Variants in IFT88 observed in about 807,000 individuals in gnomAD.
The protein encoded by IFT88 is intraflagellar transport protein 88 homolog.
Under a neutral mutation model 119.5 loss-of-function variants are expected in IFT88, and 74 were observed. The ratio of observed to expected loss-of-function variants is 0.62; its 90% CI spans 0.51 to 0.75. The LOEUF (loss-of-function observed/expected upper bound fraction) is 0.75, where lower values mean the gene tolerates loss of function less well. Ranked by LOEUF, IFT88 falls within the 30% of genes least tolerant of loss-of-function variation. IFT88 has a pLI of 0.00. For missense variants in IFT88, 961 were observed against 977.7 expected (o/e 0.98, Z 0.23); for synonymous variants, 279 against 316.7 (o/e 0.88, Z 1.26).
chr13:20,638,190 C>A, intron 16 of IFT88, 142 bp from the exon 17 acceptor site: 1 of 456,182 alleles, frequency 2.2e-6, no homozygotes, highest in Non-Finnish European at 3.7e-6. Flanking sequence ...TAGAATCAGA[C>A]TATCAAGACC....
At chr13:20,582,209 T>C (rs1207663045) in intron 2 of IFT88, among the ~76,000 whole-genome samples, 2 of 152,170 alleles carry the variant, frequency 1.3e-5, no homozygotes, top group African/African-American at 4.8e-5. Flanking sequence ...TGGGTGCTTT[T>C]GAGAGACTAT....
chr13:20,625,230 A>G (rs886907339), intron 14 of IFT88, among the ~76,000 whole-genome samples: 1 of 152,214 alleles, frequency 6.6e-6, no homozygotes, highest in African/African-American at 2.4e-5. Context: ...TTTCCTATCT[A>G]TAAAATAAAA....
At chr13:20,672,335 G>A (rs1287030515) in intron 24 of IFT88, among the ~76,000 whole-genome samples, 1 of 152,154 alleles carries the variant, frequency 6.6e-6, no homozygotes, top group East Asian at 1.9e-4. Flanking sequence ...TTTATCTTCA[G>A]GAGCCATTAC....
At position 20,631,001 on chromosome 13, in the gene IFT88, A is replaced by T. The variant is rs1329519; in HGVS notation, c.1300-15A>T. On this transcript the variant is annotated splice_polypyrimidine_tract_variant and intron_variant, in intron 15 of 25. Coordinates refer to ENST00000351808, the MANE Select transcript of IFT88 (RefSeq NM_006531.5). ...ATATTACAGTGGTAGTAACCTTCAGATATTCCATTTCTAGGCTGTAGAGAT... is the reference window on the plus strand; with the variant it reads ...ATATTACAGTGGTAGTAACCTTCAGTTATTCCATTTCTAGGCTGTAGAGAT... 1,075,251 of 1,462,846 alleles carry T rather than the reference A, an allele frequency of 0.74. 400,386 individuals carry two copies. Among genetic ancestry groups the T allele is most frequent in the East Asian group, 1 (43,896 of 44,008 alleles). 90.6% of individuals were successfully genotyped at this position (1,462,846 alleles called of 1,614,324 possible).
At chr13:20,687,748 A>AG (rs1213070301) in intron 24 of IFT88, among the ~76,000 whole-genome samples, 2 of 152,264 alleles carry the variant, frequency 1.3e-5, no homozygotes, top group East Asian at 3.9e-4. Flanking sequence ...GAAAAGAAGA[A>AG]GGGGGAGGAA....
Position 20,605,064 on chromosome 13 carries a change from A to G in IFT88, c.1071A>G (p.Glu357=). The change falls in exon 13 of 26, where the codon GAA becomes GAG. Residue 357 remains glutamate (E), a synonymous_variant. Transcript: ENST00000351808. ...ATCCTCATACTAACTTAGTAACTGA[A>G]GCTATAAAAAATGATCACCTCAGGC... ...SDDPHTNLVT[E]AIKNDHLRQM... 6.6e-7 allele frequency: 1 copy of G among 1,513,536 alleles called. No homozygotes were observed. The highest frequency in any genetic ancestry group is 9.2e-7 in the Non-Finnish European group (1 of 1,091,350). 93.8% of individuals were successfully genotyped at this position (1,513,536 alleles called of 1,614,324 possible).
At chr13:20,678,874 G>C (rs2057003077) in intron 24 of IFT88, among the ~76,000 whole-genome samples, 1 of 152,168 alleles carries the variant, frequency 6.6e-6, no homozygotes, top group South Asian at 2.1e-4. Context: ...CACAAAGACA[G>C]ACAACACAGA....
rs138465630 is a variant in IFT88, at chr13:20,637,146, A to G, written c.1387-1186A>G. On this transcript the variant is annotated intron_variant, in intron 16 of 25. Coordinates refer to ENST00000351808, the MANE Select transcript of IFT88 (RefSeq NM_006531.5). Reference sequence around the variant, plus strand: ...TGCCAGGGGCTGGGGGAAGAGGAGGATGGGAAGTGACTATTGATGGGTACA... The same window carrying G: ...TGCCAGGGGCTGGGGGAAGAGGAGGGTGGGAAGTGACTATTGATGGGTACA... Among the ~76,000 whole-genome samples the G allele has an allele frequency of 1.1e-3, 161 of 152,292 alleles. 1 individual carries two copies. The highest frequency in any genetic ancestry group is 3.3e-3 in the African/African-American group (139 of 41,562).
At chr13:20,584,286 ATTTG>A (rs376824081) in intron 3 of IFT88, among the ~76,000 whole-genome samples, 10 of 152,066 alleles carry the variant, frequency 6.6e-5, no homozygotes, top group African/African-American at 2.2e-4. Flanking sequence ...ATGCCTTTCC[ATTTG>A]TTTATGTCTT....
At chr13:20,592,842 C>A (rs996819027) in intron 7 of IFT88, among the ~76,000 whole-genome samples, 1 of 146,772 alleles carries the variant, frequency 6.8e-6, no homozygotes, top group Non-Finnish European at 1.5e-5. Flanking sequence ...TTACATAATT[C>A]TTAATCTTTA....
intron 20 of IFT88, among the ~76,000 whole-genome samples, chr13:20,645,391 A>G (rs980876945): frequency 6.6e-6 from 1 of 152,106 alleles, no homozygotes; most frequent in South Asian, 2.1e-4. Context: ...CGCCCAGCCA[A>G]ATTATTTTTA....
chr13:20,679,476 C>T (rs1384742943), intron 24 of IFT88, among the ~76,000 whole-genome samples: 1 of 152,166 alleles, frequency 6.6e-6, no homozygotes, highest in Admixed American at 6.5e-5. Context: ...ATAATATGCG[C>T]AGAAGGAGAG....
intron 13 of IFT88, among the ~76,000 whole-genome samples, chr13:20,613,688 A>G (rs956374976): frequency 6.6e-6 from 1 of 152,142 alleles, no homozygotes; most frequent in Non-Finnish European, 1.5e-5. Flanking sequence ...ATGTGCAACA[A>G]TTAATGAAGG....
chr13:20,668,586 A>G (rs1341319665), intron 23 of IFT88, among the ~76,000 whole-genome samples: 1 of 152,184 alleles, frequency 6.6e-6, no homozygotes, highest in Non-Finnish European at 1.5e-5. Flanking sequence ...TCAACTGCAA[A>G]TAGGCATTCA....
At chr13:20,632,964 T>G (rs756632358) in intron 16 of IFT88, among the ~76,000 whole-genome samples, 4 of 152,202 alleles carry the variant, frequency 2.6e-5, no homozygotes, top group Non-Finnish European at 5.9e-5. Flanking sequence ...CCCTCATATA[T>G]GTAAAGATGA....
intron 20 of IFT88, among the ~76,000 whole-genome samples, chr13:20,652,615 GA>G (rs532663523): frequency 3.4e-3 from 465 of 137,958 alleles, no homozygotes; most frequent in South Asian, 0.018. Flanking sequence ...GACCCTGTCT[GA>G]AAAAAAAAAA....
At chr13:20,633,421 G>T (rs1317889485) in intron 16 of IFT88, among the ~76,000 whole-genome samples, 2 of 152,176 alleles carry the variant, frequency 1.3e-5, no homozygotes, top group Non-Finnish European at 2.9e-5. Context: ...GGGGGACAAG[G>T]TGCCTCTGTC....
rs145383209 is a variant in IFT88, at chr13:20,615,877, T to C, written c.1197T>C (p.Asp399=). 3.0e-5 allele frequency: 47 copies of C among 1,591,918 alleles called. 1 individual carries two copies. The highest frequency in any genetic ancestry group is 4.5e-5 in the East Asian group (2 of 44,454). Residue 399 remains aspartate (D), a splice_region_variant and synonymous_variant, in exon 14 of 26, where the codon GAT becomes GAC. Coordinates refer to ENST00000351808, the MANE Select transcript of IFT88 (RefSeq NM_006531.5). ...VIETSFAAGY[D]WCVEVVKASQ... Reference sequence around the variant, plus strand: ...AAACATCTTTTGCTGCAGGTTATGATTGGTAAGAGAGAAAGTCTATAATAC... The same window carrying C: ...AAACATCTTTTGCTGCAGGTTATGACTGGTAAGAGAGAAAGTCTATAATAC...
At chr13:20,682,428 G>C (rs2057427842) in intron 24 of IFT88, among the ~76,000 whole-genome samples, 1 of 152,200 alleles carries the variant, frequency 6.6e-6, no homozygotes, top group African/African-American at 2.4e-5. Context: ...CTCCTCTAAG[G>C]ATAGAAAATA....
Sources: allele counts gnomAD v4.1 joint callset (sites outside exome capture counted in the v4.1 genomes callset), GRCh38; gene constraint gnomAD v4.1.1; transcripts MANE v1.5; gene names NCBI Gene and HGNC (gene_info 2026-07-23, HGNC 2026-07-21).